The following ZNF569 variants were observed in gnomAD, a reference collection of about 807,000 sequenced individuals.
ZNF569 encodes DNA-binding protein.
In ZNF569, 38 loss-of-function variants were observed where a neutral mutation model predicts 56.3. That is an observed-to-expected ratio of 0.68 (90% CI 0.52 to 0.88). The LOEUF (loss-of-function observed/expected upper bound fraction) is 0.88, where lower values mean the gene tolerates loss of function less well. ZNF569 is among the 40% of genes least tolerant of loss of function. The pLI, the probability that ZNF569 is intolerant of heterozygous loss-of-function variation, is 0.00. For synonymous variants in ZNF569, 241 were observed against 262.9 expected (o/e 0.92, Z 0.81); for missense variants, 666 against 809.2 (o/e 0.82, Z 2.15).
chr19:37,459,493 G>A (rs1014313497), intron 2 of ZNF569, among the ~76,000 whole-genome samples: 1 of 152,234 alleles, frequency 6.6e-6, no homozygotes, highest in African/African-American at 2.4e-5. Flanking sequence ...AAAGTTGAAG[G>A]AGAAATGAAG....
chr19:37,412,594 T>C lies in ZNF569; in HGVS notation c.*3A>G, dbSNP rs371666686. ...TGCCATATTCACAATATTCATAGGG[T>C]TTCTAATGAGTATGAATTCTCTGGT... On this transcript the variant is annotated 3_prime_UTR_variant, in exon 6 of 6. Transcript: ENST00000316950. 6.3e-7 allele frequency: 1 copy of C among 1,582,862 alleles called. No homozygotes were observed. The highest frequency in any genetic ancestry group is 8.6e-7 in the Non-Finnish European group (1 of 1,166,786).
rs2041856966 is a variant in ZNF569 at position 37,467,162 on chromosome 19, G to A, written c.-283C>T. On this transcript the variant is annotated 5_prime_UTR_variant, in exon 1 of 6. Coordinates refer to ENST00000316950, the MANE Select transcript of ZNF569 (RefSeq NM_152484.3). ...CAGAGCCGGCGCGGGCTGGGACAGA[G>A]GCGGCACTGAGGCCGGCGCTGTCGG... 6.6e-6 allele frequency: 1 copy of A among 152,300 alleles called. No homozygotes were observed. The highest frequency in any genetic ancestry group is 1.5e-5 in the Non-Finnish European group (1 of 68,120). 9.4% of individuals were successfully genotyped at this position (152,300 alleles called of 1,614,324 possible).
intron 3 of ZNF569, 53 bp from the exon 4 acceptor site, chr19:37,426,431 A>G (rs1274296923): frequency 6.6e-7 from 1 of 1,514,004 alleles, no homozygotes; most frequent in East Asian, 2.3e-5. Context: ...GGGTGATTGT[A>G]AACAAAATAT....
intron 5 of ZNF569, among the ~76,000 whole-genome samples, chr19:37,421,743 C>CTTTTTTTTT (rs748058159): frequency 3.8e-5 from 3 of 79,664 alleles, no homozygotes; most frequent in East Asian, 3.7e-4. Flanking sequence ...TGTAGTGGCA[C>CTTTTTTTTT]TTTTTTTTTT....
intron 2 of ZNF569, among the ~76,000 whole-genome samples, chr19:37,461,523 T>G (rs2041757698): frequency 6.6e-6 from 1 of 152,034 alleles, no homozygotes; most frequent in Non-Finnish European, 1.5e-5. Context: ...GTCAGGATGG[T>G]CTTGATCTCT....
chr19:37,453,914 T>C (rs1004585271), intron 2 of ZNF569, among the ~76,000 whole-genome samples: 6 of 152,252 alleles, frequency 3.9e-5, no homozygotes, highest in Non-Finnish European at 7.3e-5. Context: ...CTTTGAAGTA[T>C]GTTTTTTCTT....
chr19:37,469,042 C>A, upstream of ZNF569: 1 of 991,568 alleles, frequency 1.0e-6, no homozygotes, highest in Non-Finnish European at 1.2e-6. Context: ...GGGAGGCGCG[C>A]AGAGCGCTTG....
intron 2 of ZNF569, among the ~76,000 whole-genome samples, chr19:37,457,196 C>T (rs1018050986): frequency 6.6e-6 from 1 of 152,088 alleles, no homozygotes; most frequent in East Asian, 1.9e-4. Flanking sequence ...CATTATCACA[C>T]CAAAGATATT....
chr19:37,419,973 T>C (rs866141252), intron 5 of ZNF569, among the ~76,000 whole-genome samples: 87 of 87,092 alleles, frequency 1.0e-3, no homozygotes, highest in Non-Finnish European at 1.3e-3. Flanking sequence ...TTCTTTCTTT[T>C]TTTTTTTTTT....
chr19:37,459,027 C>G (rs1053920423), intron 2 of ZNF569, among the ~76,000 whole-genome samples: 1 of 152,028 alleles, frequency 6.6e-6, no homozygotes, highest in Non-Finnish European at 1.5e-5. Flanking sequence ...AACATCCAAA[C>G]CATGGGAGAA....
chr19:37,455,954 T>C (rs575651982), intron 2 of ZNF569, among the ~76,000 whole-genome samples: 161 of 152,348 alleles, frequency 1.1e-3, no homozygotes, highest in Non-Finnish European at 2.0e-3. Context: ...ATTTAATTTC[T>C]CAAAAGCTTC....
intron 5 of ZNF569, among the ~76,000 whole-genome samples, chr19:37,418,094 C>T (rs959613302): frequency 3.5e-5 from 4 of 113,284 alleles, no homozygotes; most frequent in Non-Finnish European, 6.9e-5. Flanking sequence ...GAGTGAGACT[C>T]CATCTCAAAT....
chr19:37,439,823 T>C (rs1018210434), intron 3 of ZNF569, among the ~76,000 whole-genome samples: 1 of 152,206 alleles, frequency 6.6e-6, no homozygotes, highest in Admixed American at 6.5e-5. Flanking sequence ...AAAGCTCACA[T>C]GTTCTCACTT....
intron 2 of ZNF569, among the ~76,000 whole-genome samples, chr19:37,463,761 A>G (rs2041790373): frequency 6.6e-6 from 1 of 152,122 alleles, no homozygotes; most frequent in African/African-American, 2.4e-5. Flanking sequence ...CTTCCAGTGG[A>G]ACAAGATGTG....
chr19:37,427,541 A>G (rs888874698), intron 3 of ZNF569, among the ~76,000 whole-genome samples: 7 of 152,192 alleles, frequency 4.6e-5, no homozygotes, highest in African/African-American at 1.7e-4. Context: ...AGGTGAGAAA[A>G]AAGAAAGTCT....
intron 2 of ZNF569, among the ~76,000 whole-genome samples, chr19:37,462,316 T>C (rs182115896): frequency 6.6e-6 from 1 of 152,202 alleles, no homozygotes; most frequent in Non-Finnish European, 1.5e-5. Context: ...CTTTCTCTCC[T>C]GTATTGTAGT....
chr19:37,436,122 A>C (rs2041305475), intron 3 of ZNF569, among the ~76,000 whole-genome samples: 1 of 152,200 alleles, frequency 6.6e-6, no homozygotes, highest in Non-Finnish European at 1.5e-5. Flanking sequence ...CATTCAAAAA[A>C]TTAAAATTAT....
At chr19:37,415,319 A>T (rs1021517427) in intron 5 of ZNF569, among the ~76,000 whole-genome samples, 10 of 152,168 alleles carry the variant, frequency 6.6e-5, no homozygotes, top group Admixed American at 4.6e-4. Flanking sequence ...AAATGAAAAA[A>T]TCAAGTAATC....
intron 2 of ZNF569, among the ~76,000 whole-genome samples, chr19:37,460,281 T>C (rs2041736232): frequency 6.6e-6 from 1 of 152,100 alleles, no homozygotes; most frequent in Admixed American, 6.6e-5. Flanking sequence ...CAACTGGGAT[T>C]ACAGGCATGC....
Sources: gnomAD v4.1 joint callset for allele counts (sites outside exome capture counted in the v4.1 genomes callset) on GRCh38, gnomAD v4.1.1 for gene constraint, MANE v1.5 for transcripts, NCBI Gene and HGNC (gene_info 2026-07-23, HGNC 2026-07-21) for gene names.